The following PIK3AP1 variants were observed in gnomAD, a reference collection of about 807,000 sequenced individuals.
PIK3AP1 encodes the protein phosphoinositide 3-kinase adapter protein 1.
A neutral mutation model predicts 88.1 loss-of-function variants in PIK3AP1; 21 were observed. The ratio of observed to expected loss-of-function variants is 0.24; its 90% CI spans 0.17 to 0.34. The LOEUF is 0.34. Ranked by LOEUF, PIK3AP1 falls within the 10% of genes least tolerant of loss-of-function variation. The probability of loss-of-function intolerance (pLI) is 1.00; values close to 1 mark genes in which losing one functional copy is unlikely to be tolerated. For missense variants in PIK3AP1, 828 were observed against 1,035.7 expected, an observed-to-expected ratio of 0.80 and a Z score of 2.75; for synonymous variants, 398 against 400.0, an observed-to-expected ratio of 1.00 and a Z score of 0.06.
chr10:96,612,591 C>T (rs888992289), intron 13 of PIK3AP1, among the ~76,000 whole-genome samples: 3 of 151,992 alleles, frequency 2.0e-5, no homozygotes, highest in African/African-American at 7.3e-5. Context: ...ATAAATGATG[C>T]CTTCTCTTTG....
chr10:96,701,903 C>A (rs1232805429), intron 2 of PIK3AP1, among the ~76,000 whole-genome samples: 6 of 152,042 alleles, frequency 3.9e-5, no homozygotes, highest in African/African-American at 1.4e-4. Flanking sequence ...ATGACAAACA[C>A]AAATTATTTC....
chr10:96,662,980 T>C (rs1370766348), intron 2 of PIK3AP1, among the ~76,000 whole-genome samples: 1 of 150,870 alleles, frequency 6.6e-6, no homozygotes. Flanking sequence ...AATGATGTAC[T>C]GATAAATGCT....
At chr10:96,633,252 C>T (rs1843270844) in intron 8 of PIK3AP1, 2 of 556,578 alleles carry the variant, frequency 3.6e-6, no homozygotes, top group Non-Finnish European at 5.7e-6. Flanking sequence ...TTATTGTAGG[C>T]AATGTTGCCT....
At chr10:96,616,318 T>C (rs1849214478) in intron 13 of PIK3AP1, among the ~76,000 whole-genome samples, 1 of 152,180 alleles carries the variant, frequency 6.6e-6, no homozygotes, top group African/African-American at 2.4e-5. Context: ...GTCCTCCTAA[T>C]TGCCAAGGGG....
chr10:96,623,085 C>T (rs958983138), intron 11 of PIK3AP1, among the ~76,000 whole-genome samples: 1 of 152,062 alleles, frequency 6.6e-6, no homozygotes, highest in Non-Finnish European at 1.5e-5. Flanking sequence ...CTTTGTACGA[C>T]CAATTTGCAC....
chr10:96,599,397 G>A (rs966095703), intron 16 of PIK3AP1, among the ~76,000 whole-genome samples: 2 of 152,176 alleles, frequency 1.3e-5, no homozygotes, highest in East Asian at 1.9e-4. Context: ...GGAAAGAGAA[G>A]GCTGAGATGG....
At chr10:96,652,519 G>T (rs540333592) in intron 4 of PIK3AP1, among the ~76,000 whole-genome samples, 179 bp downstream of exon 4, 2 of 151,970 alleles carry the variant, frequency 1.3e-5, no homozygotes. Context: ...CTTGCAGTGA[G>T]CTGAGATCAT....
At chr10:96,636,922 G>A (rs1843319783) in intron 8 of PIK3AP1, among the ~76,000 whole-genome samples, 1 of 152,164 alleles carries the variant, frequency 6.6e-6, no homozygotes, top group Non-Finnish European at 1.5e-5. Flanking sequence ...ACACCCATAT[G>A]ATACTCCTCC....
intron 7 of PIK3AP1, among the ~76,000 whole-genome samples, chr10:96,647,768 T>C (rs997635061): frequency 6.6e-6 from 1 of 152,186 alleles, no homozygotes; most frequent in African/African-American, 2.4e-5. Context: ...GGGCTGTGTT[T>C]ATTGCTCCCT....
intron 2 of PIK3AP1, among the ~76,000 whole-genome samples, chr10:96,676,771 T>C (rs886264823): frequency 9.2e-5 from 14 of 152,004 alleles, no homozygotes; most frequent in African/African-American, 3.4e-4. Flanking sequence ...GCTGGTCAAG[T>C]TGTATCTTCC....
At chr10:96,642,851 G>A (rs1263217261) in intron 8 of PIK3AP1, among the ~76,000 whole-genome samples, 1 of 152,200 alleles carries the variant, frequency 6.6e-6, no homozygotes, top group Non-Finnish European at 1.5e-5. Flanking sequence ...ACATCCAGGG[G>A]GACAGCAAGT....
chr10:96,630,012 C>G (rs1200785509), intron 8 of PIK3AP1, among the ~76,000 whole-genome samples: 3 of 147,614 alleles, frequency 2.0e-5, no homozygotes, highest in Non-Finnish European at 4.5e-5. Context: ...AAATTAATAT[C>G]AGTGGTTTTC....
chr10:96,625,422 A>G (rs1198283790), intron 10 of PIK3AP1, among the ~76,000 whole-genome samples: 5 of 152,310 alleles, frequency 3.3e-5, no homozygotes, highest in Non-Finnish European at 5.9e-5. Context: ...ATAATACCCA[A>G]GGAGACTGCA....
rs879174710 is a variant in PIK3AP1 at position 96,628,273 on chromosome 10, C to T, written c.1471+125G>A. On this transcript the variant is annotated intron_variant, in intron 9 of 16. Transcript: ENST00000339364. ...GGGGGAGGCAGAGTGCCTTTATTCA[C>T]ATCACATGCCATGTATGCAGCAGCC... The T allele has an allele frequency of 1.3e-5, 11 of 847,394 alleles. No homozygotes were observed. In the South Asian group the frequency reaches 1.5e-4, roughly 11 times the overall value. The allele number at this position is 847,394 out of a possible 1,614,324, so 52.5% of individuals were successfully genotyped here.
intron 2 of PIK3AP1, among the ~76,000 whole-genome samples, chr10:96,683,038 G>A (rs1051044964): frequency 6.6e-6 from 1 of 152,214 alleles, no homozygotes; most frequent in Non-Finnish European, 1.5e-5. Context: ...ATTTGGTCCA[G>A]TGTTAAGAAT....
chr10:96,706,507 T>C (rs1844365990), intron 2 of PIK3AP1, among the ~76,000 whole-genome samples: 1 of 152,096 alleles, frequency 6.6e-6, no homozygotes, highest in Non-Finnish European at 1.5e-5. Context: ...AAAGCAGGTA[T>C]GAAATGTGGC....
At chr10:96,680,335 T>A (rs1815868994) in intron 2 of PIK3AP1, among the ~76,000 whole-genome samples, 1 of 151,878 alleles carries the variant, frequency 6.6e-6, no homozygotes, top group South Asian at 2.1e-4. Flanking sequence ...AGTTCAGGGG[T>A]ACATGTGCAG....
At chr10:96,651,776 T>C (rs1843542060) in intron 4 of PIK3AP1, 125 bp from the exon 5 acceptor site, 1 of 1,158,670 alleles carries the variant, frequency 8.6e-7, no homozygotes, top group Non-Finnish European at 1.2e-6. Context: ...AAGAAAGATC[T>C]TGGAGGTGAG....
At chr10:96,713,873 T>C (rs1844469614) in intron 1 of PIK3AP1, among the ~76,000 whole-genome samples, 1 of 152,054 alleles carries the variant, frequency 6.6e-6, no homozygotes, top group Non-Finnish European at 1.5e-5. Context: ...TTGCTGTTCA[T>C]TACAGACTCC....
Sources: allele counts gnomAD v4.1 joint callset (sites outside exome capture counted in the v4.1 genomes callset), GRCh38; gene constraint gnomAD v4.1.1; transcripts MANE v1.5; gene names NCBI Gene and HGNC (gene_info 2026-07-23, HGNC 2026-07-21).